The following COMMD8 variants were observed in gnomAD, a reference collection of about 807,000 sequenced individuals.
COMMD8 encodes the protein COMM domain-containing protein 8.
Under a neutral mutation model 27.2 loss-of-function variants are expected in COMMD8, and 28 were observed. The ratio of observed to expected loss-of-function variants is 1.03; its 90% CI spans 0.76 to 1.41. The LOEUF is 1.41. Ranked by LOEUF, COMMD8 falls within the 40% of genes most tolerant of loss-of-function variation. The probability of loss-of-function intolerance (pLI) is 0.00; values close to 1 mark genes in which losing one functional copy is unlikely to be tolerated. For synonymous variants in COMMD8, 79 were observed against 75.5 expected (o/e 1.05, Z -0.24); for missense variants, 217 against 211.2 (o/e 1.03, Z -0.17).
In COMMD8 at chr4:47,453,065, C is replaced by T. The variant is rs747668518; in HGVS notation, c.525G>A (p.Ala175=). 1.9e-5 allele frequency: 31 copies of T among 1,598,770 alleles called. 1 individual carries two copies. Among genetic ancestry groups the T allele is most frequent in the South Asian group, 1.8e-4 (16 of 88,500 alleles). Residue 175 remains alanine (A), a synonymous_variant, in exon 4 of 5, where the codon GCG becomes GCA. Coordinates refer to ENST00000381571, the MANE Select transcript of COMMD8 (RefSeq NM_017845.5). ...ACAAAATTATAGCAAATACCTTATTCGCTGCTTCCAAGGACTGTATTAGAT... is the reference window on the plus strand; with the variant it reads ...ACAAAATTATAGCAAATACCTTATTTGCTGCTTCCAAGGACTGTATTAGAT... ...LQNLIQSLEA[A]NKVVLQLK
chr4:47,463,543 G>A (rs886727732), intron 1 of COMMD8, 43 bp downstream of exon 1: 1 of 1,527,514 alleles, frequency 6.5e-7, no homozygotes, highest in Non-Finnish European at 8.8e-7. Context: ...GGGCTGTCGC[G>A]AATCCCAGGC....
rs1171846162 is a variant in COMMD8, at chr4:47,463,641, T to G, written c.11A>C (p.Glu4Ala). 16 of 1,549,064 alleles carry G rather than the reference T, an allele frequency of 1.0e-5. No individual in the cohort carries two copies. The highest frequency in any genetic ancestry group is 2.0e-5 in the Admixed American group (1 of 50,860). The change falls in exon 1 of 5, where the codon GAA (glutamate) becomes GCA (alanine). Residue 4 changes from glutamate (E) to alanine (A), a missense_variant. Transcript: ENST00000381571. ...CAGCCGCCACAAGGGCGTCCCCTCT[T>G]CCGGCTCCATCCCTGCGCGAAGCTG... MEP[E>A]EGTPLWRLQK... is the part of the protein sequence containing the mutation.
chr4:47,454,993 A>G (rs988654361), intron 3 of COMMD8, among the ~76,000 whole-genome samples: 1 of 152,038 alleles, frequency 6.6e-6, no homozygotes, highest in Non-Finnish European at 1.5e-5. Flanking sequence ...GCTACTATTA[A>G]CATCTCTCTT....
intron 1 of COMMD8, among the ~76,000 whole-genome samples, chr4:47,462,522 T>G (rs1439998702): frequency 4.6e-5 from 7 of 152,274 alleles, no homozygotes; most frequent in Middle Eastern, 3.4e-3. Flanking sequence ...TTGGGGTTTT[T>G]GGGGTTTTGT....
chr4:47,458,854 G>A (rs575399431), intron 2 of COMMD8, among the ~76,000 whole-genome samples: 14 of 152,026 alleles, frequency 9.2e-5, no homozygotes, highest in Non-Finnish European at 2.1e-4. Context: ...GAAGAGTTGA[G>A]ATACAGAGGC....
rs759542122 is a variant in COMMD8 at position 47,456,742 on chromosome 4, A to G, written c.223-13T>C. 6.4e-7 allele frequency: 1 copy of G among 1,559,326 alleles called. No homozygotes were observed. The highest frequency in any genetic ancestry group is 8.6e-7 in the Non-Finnish European group (1 of 1,158,996). On this transcript the variant is annotated splice_polypyrimidine_tract_variant and intron_variant, in intron 2 of 4. Coordinates refer to ENST00000381571, the MANE Select transcript of COMMD8 (RefSeq NM_017845.5). Reference sequence around the variant, plus strand: ...ACTGCTGAAATATCTATAAAAATAAAAACAGGCAAAAGGGGCTTTCTGTTT... The same window carrying G: ...ACTGCTGAAATATCTATAAAAATAAGAACAGGCAAAAGGGGCTTTCTGTTT...
At chr4:47,460,081 A>G in intron 2 of COMMD8, 63 bp downstream of exon 2, 2 of 1,426,948 alleles carry the variant, frequency 1.4e-6, no homozygotes. Context: ...ATTGCTCTAA[A>G]AAACTCAGAG....
chr4:47,460,662 C>T (rs897471161), intron 1 of COMMD8, among the ~76,000 whole-genome samples: 1 of 152,016 alleles, frequency 6.6e-6, no homozygotes. Context: ...TTTGCTTTGC[C>T]TCCATTTTCA....
chr4:47,453,035 A>G (rs1227378456), intron 4 of COMMD8, 24 bp downstream of exon 4: 1 of 1,575,368 alleles, frequency 6.3e-7, no homozygotes, highest in Non-Finnish European at 8.6e-7. Flanking sequence ...CATTCAAATC[A>G]TATGACAAAA....
At position 47,453,211 on chromosome 4, in the gene COMMD8, C is replaced by T; in HGVS notation, c.379G>A (p.Ala127Thr). 6.2e-7 allele frequency: 1 copy of T among 1,612,026 alleles called. No homozygotes were observed. Among genetic ancestry groups the T allele is most frequent in the South Asian group, 1.1e-5 (1 of 90,914 alleles). ...LQDFDWQVKL[A>T]LSSDKIAALR... is the part of the protein sequence containing the mutation. ...GCAGCAATCTTGTCACTGGAAAGTG[C>T]AAGCTGTTTAAAATCAGAAAAATAG... is the stretch of plus-strand genomic sequence containing the variant. The change falls in exon 4 of 5, where the codon GCA becomes ACA. Residue 127 changes from alanine to threonine, a missense_variant. By Grantham distance (58) the Ala-to-Thr change is moderately conservative. Transcript: ENST00000381571.
At chr4:47,463,528 A>C (rs962507136) in intron 1 of COMMD8, 58 bp downstream of exon 1, 46 of 1,496,822 alleles carry the variant, frequency 3.1e-5, no homozygotes, top group Admixed American at 7.9e-5. Flanking sequence ...CCTGATCCGC[A>C]CGCCGGGCTG....
At chr4:47,461,449 C>T (rs904924872) in intron 1 of COMMD8, among the ~76,000 whole-genome samples, 5 of 151,846 alleles carry the variant, frequency 3.3e-5, no homozygotes, top group Admixed American at 1.3e-4. Context: ...TTTTATTTAC[C>T]ATAAATCAAC....
At position 47,463,509 on chromosome 4, in the gene COMMD8, C is replaced by A. The variant is rs1016784389; in HGVS notation, c.66+77G>T. 1.3e-5 allele frequency: 18 copies of A among 1,388,932 alleles called. No homozygotes were observed. In the East Asian group the frequency reaches 4.3e-4, roughly 33 times the overall value. The allele number at this position is 1,388,932 out of a possible 1,614,324, so 86.0% of individuals were successfully genotyped here. A position where few individuals can be genotyped will look rare whatever the true frequency, so the allele number is the denominator to read the frequency against. On this transcript the variant is annotated intron_variant, in intron 1 of 4. Coordinates refer to ENST00000381571, the MANE Select transcript of COMMD8 (RefSeq NM_017845.5). ...AGGGAGCTTGCGAAGGCGTCCGGGT[C>A]GCACCCGGCCTGATCCGCACGCCGG...
chr4:47,462,042 T>C (rs1642395590), intron 1 of COMMD8, among the ~76,000 whole-genome samples: 1 of 151,728 alleles, frequency 6.6e-6, no homozygotes, highest in Non-Finnish European at 1.5e-5. Flanking sequence ...GGGGGGTGCC[T>C]AGGGGGTGAC....
chr4:47,456,134 C>T (rs1729878440), intron 3 of COMMD8, among the ~76,000 whole-genome samples: 1 of 151,872 alleles, frequency 6.6e-6, no homozygotes, highest in South Asian at 2.1e-4. Flanking sequence ...GTAGTCCCAG[C>T]TACTCAGGGG....
At chr4:47,458,210 G>A (rs1032712062) in intron 2 of COMMD8, among the ~76,000 whole-genome samples, 6 of 151,942 alleles carry the variant, frequency 3.9e-5, no homozygotes, top group African/African-American at 1.4e-4. Context: ...GTTAGGAATA[G>A]ATATATATCT....
In COMMD8 at chr4:47,463,694, C is replaced by A. The variant is rs1197868273; in HGVS notation, c.-43G>T. The stretch of plus-strand genomic sequence containing the variant: ...GCTTGGGTCACGTGTCAAGGCTGGC[C>A]GCTTGTCTAAAGCTACGACTCGCCC... On this transcript the variant is annotated 5_prime_UTR_variant, in exon 1 of 5. Coordinates refer to ENST00000381571, the MANE Select transcript of COMMD8 (RefSeq NM_017845.5). The A allele has an allele frequency of 2.6e-6, 4 of 1,519,240 alleles. No homozygotes were observed. Among genetic ancestry groups the A allele is most frequent in the South Asian group, 1.2e-5 (1 of 81,640 alleles). The allele number at this position is 1,519,240 out of a possible 1,614,324, so 94.1% of individuals were successfully genotyped here.
intron 2 of COMMD8, among the ~76,000 whole-genome samples, chr4:47,458,423 T>C (rs1729943513): frequency 1.3e-5 from 2 of 152,074 alleles, no homozygotes; most frequent in Non-Finnish European, 2.9e-5. Flanking sequence ...CAACTGTACA[T>C]ACTAGCAAAA....
At chr4:47,457,568 C>A (rs894230195) in intron 2 of COMMD8, among the ~76,000 whole-genome samples, 1 of 152,086 alleles carries the variant, frequency 6.6e-6, no homozygotes, top group Non-Finnish European at 1.5e-5. Flanking sequence ...TTCACCATAA[C>A]GTACCATATT....
Sources: gnomAD v4.1 joint callset for allele counts (sites outside exome capture counted in the v4.1 genomes callset) on GRCh38, gnomAD v4.1.1 for gene constraint, MANE v1.5 for transcripts, NCBI Gene and HGNC (gene_info 2026-07-23, HGNC 2026-07-21) for gene names.